The following PARN variants were observed in gnomAD, a reference collection of about 807,000 sequenced individuals.
The protein encoded by PARN is poly(A)-specific ribonuclease.
PARN carries 71 observed loss-of-function variants against 102.8 expected under a neutral mutation model. That is an observed-to-expected ratio of 0.69 (90% CI 0.57 to 0.84). The LOEUF (loss-of-function observed/expected upper bound fraction) is 0.84. Among genes scored for constraint, PARN ranks in the 40% least tolerant of loss-of-function variants. The probability of loss-of-function intolerance (pLI) is 0.00; values close to 1 mark genes in which losing one functional copy is unlikely to be tolerated. For synonymous variants in PARN, 261 were observed against 252.9 expected (o/e 1.03, Z -0.30); for missense variants, 782 against 760.9 (o/e 1.03, Z -0.33).
At chr16:14,520,974 C>G (rs532104054) in intron 21 of PARN, among the ~76,000 whole-genome samples, 1 of 152,256 alleles carries the variant, frequency 6.6e-6, no homozygotes, top group African/African-American at 2.4e-5. Context: ...TCCCTCAGAG[C>G]ATGGAGGAGA....
chr16:14,619,671 G>T (rs1260450766), intron 5 of PARN, among the ~76,000 whole-genome samples: 1 of 151,886 alleles, frequency 6.6e-6, no homozygotes, highest in Non-Finnish European at 1.5e-5. Flanking sequence ...TGAGGTGGGA[G>T]AATCAGAAAA....
At chr16:14,598,928 T>C (rs996340533) in intron 12 of PARN, among the ~76,000 whole-genome samples, 3 of 152,002 alleles carry the variant, frequency 2.0e-5, no homozygotes, top group African/African-American at 4.8e-5. Context: ...AATAAGAGAA[T>C]GTCCTAGACT....
chr16:14,491,141 C>G (rs1964037736), intron 21 of PARN, among the ~76,000 whole-genome samples: 1 of 151,490 alleles, frequency 6.6e-6, no homozygotes, highest in South Asian at 2.1e-4. Flanking sequence ...GGGAGGCAAG[C>G]CCAGAAAATG....
At chr16:14,489,317 C>A (rs191733633) in intron 21 of PARN, among the ~76,000 whole-genome samples, 3 of 151,868 alleles carry the variant, frequency 2.0e-5, no homozygotes, top group African/African-American at 7.3e-5. Context: ...ATTTCTAGCA[C>A]GCCTGTAATC....
At chr16:14,491,865 G>GA (rs1167123251) in intron 21 of PARN, among the ~76,000 whole-genome samples, 2 of 152,176 alleles carry the variant, frequency 1.3e-5, no homozygotes, top group African/African-American at 4.8e-5. Context: ...CCACTCAAGA[G>GA]AAAAAACAAG....
At chr16:14,563,145 C>G (rs1968180733) in intron 18 of PARN, among the ~76,000 whole-genome samples, 1 of 152,188 alleles carries the variant, frequency 6.6e-6, no homozygotes, top group Non-Finnish European at 1.5e-5. Flanking sequence ...CTTTCAAATT[C>G]TACATTACCA....
chr16:14,594,694 C>T (rs1187605072), intron 12 of PARN, among the ~76,000 whole-genome samples: 5 of 152,060 alleles, frequency 3.3e-5, no homozygotes, highest in African/African-American at 1.2e-4. Context: ...CCAGCCTGGG[C>T]GACAGTCAGA....
intron 21 of PARN, among the ~76,000 whole-genome samples, chr16:14,515,083 T>C (rs1379065292): frequency 6.6e-6 from 1 of 152,212 alleles, no homozygotes; most frequent in African/African-American, 2.4e-5. Context: ...GTTGTCACTG[T>C]GTCACTGTGC....
intron 21 of PARN, among the ~76,000 whole-genome samples, chr16:14,529,690 C>G (rs1966213277): frequency 6.6e-6 from 1 of 152,212 alleles, no homozygotes; most frequent in East Asian, 1.9e-4. Flanking sequence ...CCAACAACCA[C>G]TCCCACTGGT....
At chr16:14,447,938 T>TTATC (rs10539138) in intron 22 of PARN, among the ~76,000 whole-genome samples, 13,976 of 147,918 alleles carry the variant, frequency 0.094, 641 homozygotes, top group East Asian at 0.13. Flanking sequence ...CTTTTAAATT[T>TTATC]TATCTATCTA....
At chr16:14,506,836 GAA>G (rs957041202) in intron 21 of PARN, among the ~76,000 whole-genome samples, 1 of 151,884 alleles carries the variant, frequency 6.6e-6, no homozygotes, top group Non-Finnish European at 1.5e-5. Context: ...TTTAAAAAAA[GAA>G]AAAGAGTGGG....
chr16:14,469,088 A>G (rs1460250646), intron 22 of PARN, among the ~76,000 whole-genome samples: 1 of 152,184 alleles, frequency 6.6e-6, no homozygotes, highest in Non-Finnish European at 1.5e-5. Context: ...ATCTGAGGTT[A>G]GGAATTCAAG....
intron 10 of PARN, among the ~76,000 whole-genome samples, chr16:14,606,040 G>C (rs528636397): frequency 6.6e-6 from 1 of 152,230 alleles, no homozygotes; most frequent in African/African-American, 2.4e-5. Context: ...GGCTTAAAGA[G>C]ATCAAATGAC....
chr16:14,568,443 A>T (rs937091794), intron 18 of PARN, among the ~76,000 whole-genome samples: 1 of 107,924 alleles, frequency 9.3e-6, no homozygotes, highest in Non-Finnish European at 2.3e-5. Flanking sequence ...TGAAAAACTT[A>T]AAAAAAAAAA....
At chr16:14,447,425 T>C (rs1002134957) in intron 22 of PARN, among the ~76,000 whole-genome samples, 3 of 152,238 alleles carry the variant, frequency 2.0e-5, no homozygotes, top group Non-Finnish European at 2.9e-5. Flanking sequence ...GATAATATAA[T>C]GAAATAATAG....
chr16:14,518,589 A>T (rs1412132208), intron 21 of PARN, among the ~76,000 whole-genome samples: 1 of 152,212 alleles, frequency 6.6e-6, no homozygotes, highest in Non-Finnish European at 1.5e-5. Flanking sequence ...CAATTTACCT[A>T]AGAAACAGAA....
intron 21 of PARN, among the ~76,000 whole-genome samples, chr16:14,509,275 C>T (rs1226949756): frequency 6.6e-6 from 1 of 152,106 alleles, no homozygotes; most frequent in African/African-American, 2.4e-5. Context: ...CACCACCTAC[C>T]CACCCATAGA....
chr16:14,617,941 A>T (rs1420023991), intron 5 of PARN, among the ~76,000 whole-genome samples: 1 of 152,154 alleles, frequency 6.6e-6, no homozygotes, highest in Non-Finnish European at 1.5e-5. Context: ...TTCCGGACTC[A>T]AGCAATCCTC....
chr16:14,555,694 C>A lies in PARN; in HGVS notation c.1278G>T (p.Arg426Ser), dbSNP rs1967640846. The change falls in exon 19 of 24, where the codon AGG becomes AGT. Residue 426 changes from arginine (R) to serine (S), a missense_variant. Coordinates refer to ENST00000437198, the MANE Select transcript of PARN (RefSeq NM_002582.4). Reference protein sequence around the residue: ...EPFFNKLFLMRVMDIPYLNLE... With the variant: ...EPFFNKLFLMSVMDIPYLNLE... Reference sequence around the variant, plus strand: ...AGTTTAGATAGGGGATATCCATGACCCTCATAAGAAATAACCTACAAGAAG... The same window carrying A: ...AGTTTAGATAGGGGATATCCATGACACTCATAAGAAATAACCTACAAGAAG... 7.4e-6 allele frequency: 11 copies of A among 1,483,846 alleles called. No individual in the cohort carries two copies. The highest frequency in any genetic ancestry group is 2.4e-5 in the East Asian group (1 of 41,296). 91.9% of individuals were successfully genotyped at this position (1,483,846 alleles called of 1,614,324 possible).
Sources: gnomAD v4.1 joint callset for allele counts (sites outside exome capture counted in the v4.1 genomes callset) on GRCh38, gnomAD v4.1.1 for gene constraint, MANE v1.5 for transcripts, NCBI Gene and HGNC (gene_info 2026-07-23, HGNC 2026-07-21) for gene names.